Variants in DENND4B observed in about 807,000 individuals in gnomAD.
DENND4B encodes DENN domain containing 4B.
DENND4B carries 67 observed loss-of-function variants against 161.0 expected under a neutral mutation model. That is an observed-to-expected ratio of 0.42 (90% CI 0.34 to 0.51). The LOEUF (loss-of-function observed/expected upper bound fraction) is 0.51, where lower values mean the gene tolerates loss of function less well. DENND4B is among the 20% of genes least tolerant of loss of function. DENND4B has a pLI of 0.08. For synonymous variants in DENND4B, 753 were observed against 813.8 expected, an observed-to-expected ratio of 0.93 and a Z score of 1.27; for missense variants, 1,481 against 1,968.0, an observed-to-expected ratio of 0.75 and a Z score of 4.68.
chr1:153,940,469 A>G lies in DENND4B; in HGVS notation c.1464T>C (p.Asp488=). The change falls in exon 10 of 28, where the codon GAT becomes GAC. Residue 488 remains aspartate, a synonymous_variant. Transcript: ENST00000361217. This position sits in a 1 kb window ranked among gnomAD's most constrained non-coding sequence, Gnocchi z 5.6. The part of the protein sequence containing the change: ...SYFDLHDPPA[D]VICVDLDTNT... ...TGGTATCAAGGTCTACACAGATGAC[A>G]TCAGCAGGCGGGTCATGCAGATCAA... The G allele has an allele frequency of 1.2e-6, 2 of 1,613,134 alleles. No individual in the cohort carries two copies. Among genetic ancestry groups the G allele is most frequent in the Non-Finnish European group, 1.7e-6 (2 of 1,179,520 alleles).
Position 153,932,668 on chromosome 1 carries a change from G to T in DENND4B, c.3733C>A (p.Pro1245Thr). The change falls in exon 23 of 28, where the codon CCC becomes ACC. Residue 1245 changes from proline to threonine, a missense_variant. By Grantham distance (38) the Pro-to-Thr change is conservative (BLOSUM62 -1). Transcript: ENST00000361217. The surrounding 1 kb of genome is among the most constrained non-coding windows in gnomAD (Gnocchi z 5.8). The stretch of plus-strand genomic sequence containing the variant: ...CCCATGTGCCCGTTGCAGAGCTGGG[G>T]CTCATCCAGAGCAAGGCAGAGCCTT... ...DRRLCLALDEPQLCNGHMGGA... is the reference protein window; with the variant it reads ...DRRLCLALDETQLCNGHMGGA... The T allele has an allele frequency of 6.2e-7, 1 of 1,613,908 alleles. No individual in the cohort carries two copies. Among genetic ancestry groups the T allele is most frequent in the Non-Finnish European group, 8.5e-7 (1 of 1,179,798 alleles).
chr1:153,936,875 C>T lies in DENND4B; in HGVS notation c.2233-127G>A, dbSNP rs571731870. Reference sequence around the variant, plus strand: ...CTGGAGTGCAGTGGCGCAATCTTGGCTCACTGCAGACTCGGCCTCCTGGGC... The same window carrying T: ...CTGGAGTGCAGTGGCGCAATCTTGGTTCACTGCAGACTCGGCCTCCTGGGC... On this transcript the variant is annotated intron_variant, in intron 15 of 27. Transcript: ENST00000361217. The surrounding 1 kb of genome is among the most constrained non-coding windows in gnomAD (Gnocchi z 4.1). 1 of 940,746 alleles carries T rather than the reference C, an allele frequency of 1.1e-6. No homozygotes were observed. Among genetic ancestry groups the T allele is most frequent in the Non-Finnish European group, 1.5e-6 (1 of 659,258 alleles). 58.3% of individuals were successfully genotyped at this position (940,746 alleles called of 1,614,324 possible).
Position 153,936,845 on chromosome 1 carries a change from C to G in DENND4B, c.2233-97G>C, listed in dbSNP as rs1226943885. On this transcript the variant is annotated intron_variant, in intron 15 of 27. Transcript: ENST00000361217. The surrounding 1 kb of genome is among the most constrained non-coding windows in gnomAD (Gnocchi z 4.1). ...ATTTATGACGGTCTCGCTCTGTCAC[C>G]CAGGCTGGAGTGCAGTGGCGCAATC... is the stretch of plus-strand genomic sequence containing the variant. 13 of 1,284,908 alleles carry G rather than the reference C, an allele frequency of 1.0e-5. No individual in the cohort carries two copies. Among genetic ancestry groups the G allele is most frequent in the Non-Finnish European group, 1.3e-5 (13 of 964,456 alleles). 79.6% of individuals were successfully genotyped at this position (1,284,908 alleles called of 1,614,324 possible). A position where few individuals can be genotyped will look rare whatever the true frequency, so the allele number is the denominator to read the frequency against.
Position 153,937,640 on chromosome 1 carries a change from C to G in DENND4B, c.2106-26G>C, listed in dbSNP as rs753728577. 1 of 1,611,392 alleles carries G rather than the reference C, an allele frequency of 6.2e-7. No individual in the cohort carries two copies. The highest frequency in any genetic ancestry group is 8.5e-7 in the Non-Finnish European group (1 of 1,178,118). ...CTGGAGGGGCAGAGAGAAGCAACAT[C>G]GGGGCAGTCAGCACAGGGCGAAGCG... On this transcript the variant is annotated intron_variant, in intron 14 of 27. Coordinates refer to ENST00000361217, the MANE Select transcript of DENND4B (RefSeq NM_014856.3). This position sits in a 1 kb window ranked among gnomAD's most constrained non-coding sequence, Gnocchi z 4.7.
In DENND4B at chr1:153,930,726, G is replaced by A; in HGVS notation, c.4246C>T (p.Leu1416=). 3 of 1,611,782 alleles carry A rather than the reference G, an allele frequency of 1.9e-6. No individual in the cohort carries two copies. The highest frequency in any genetic ancestry group is 2.5e-6 in the Non-Finnish European group (3 of 1,178,808). ...TGCAGGCCAGTGGGTGGGGGCCCTA[G>A]AGTTTCCAGCAGGAGCCCCACAGCC... is the stretch of plus-strand genomic sequence containing the variant. ...HKAVGLLLET[L]GPPPTGLHLQ... The change falls in exon 26 of 28, where the codon CTA becomes TTA. Residue 1416 remains leucine, a synonymous_variant. Transcript: ENST00000361217. This position sits in a 1 kb window ranked among gnomAD's most constrained non-coding sequence, Gnocchi z 4.7.
intron 1 of DENND4B, among the ~76,000 whole-genome samples, chr1:153,945,572 A>G (rs1571062957): frequency 5.9e-5 from 9 of 151,894 alleles, no homozygotes; most frequent in East Asian, 1.9e-4. Context: ...ACACACACAC[A>G]CACGCACACA....
In DENND4B at chr1:153,937,829, G is replaced by A. The variant is rs1571047041; in HGVS notation, c.2000C>T (p.Pro667Leu). 1 of 1,613,996 alleles carries A rather than the reference G, an allele frequency of 6.2e-7. No homozygotes were observed. The highest frequency in any genetic ancestry group is 8.5e-7 in the Non-Finnish European group (1 of 1,179,894). The change falls in exon 14 of 28, where the codon CCC (proline) becomes CTC (leucine). Residue 667 changes from proline to leucine, a missense_variant. This residue lies in a region of DENND4B where 806 missense variants were observed against 1,134.4 expected (regional missense o/e 0.71). Coordinates refer to ENST00000361217, the MANE Select transcript of DENND4B (RefSeq NM_014856.3). This position sits in a 1 kb window ranked among gnomAD's most constrained non-coding sequence, Gnocchi z 4.7. ...TGACAGCTCCTCTAGCTCCACTAAG[G>A]GTGTCGGCTCAGGCTTCTCCTGCTC... Reference protein sequence around the residue: ...HPEQEKPEPTPLVELEELSGS... With the variant: ...HPEQEKPEPTLLVELEELSGS...
Position 153,939,818 on chromosome 1 carries a change from C to G in DENND4B, c.1604-14G>C, listed in dbSNP as rs751800636. Reference sequence around the variant, plus strand: ...GTCCAGTGTATGCTGGAGGCCAGGGCAGCCTAAGAGTCAGGGCTGGCTCCC... The same window carrying G: ...GTCCAGTGTATGCTGGAGGCCAGGGGAGCCTAAGAGTCAGGGCTGGCTCCC... On this transcript the variant is annotated splice_polypyrimidine_tract_variant and intron_variant, in intron 11 of 27. Transcript: ENST00000361217. The G allele has an allele frequency of 6.2e-7, 1 of 1,612,464 alleles. No individual in the cohort carries two copies. Among genetic ancestry groups the G allele is most frequent in the South Asian group, 1.1e-5 (1 of 91,012 alleles).
At chr1:153,935,658 T>A (rs1211071464) in intron 17 of DENND4B, among the ~76,000 whole-genome samples, 2 of 152,362 alleles carry the variant, frequency 1.3e-5, no homozygotes, top group East Asian at 3.9e-4. Flanking sequence ...TGTGCCCATA[T>A]TCTCACTCCT....
Position 153,933,535 on chromosome 1 carries a change from G to A in DENND4B, c.3278C>T (p.Pro1093Leu). 1 of 1,549,132 alleles carries A rather than the reference G, an allele frequency of 6.5e-7. No homozygotes were observed. Among genetic ancestry groups the A allele is most frequent in the Non-Finnish European group, 8.7e-7 (1 of 1,150,044 alleles). ...PDLPPPARRS[P>L]MDSLLHPRER... ...CCGGGGGTGCAGAAGACTGTCCATG[G>A]GGCTGCGGCGGGCTGGGGGTGGCAG... is the stretch of plus-strand genomic sequence containing the variant. Residue 1093 changes from proline (P) to leucine (L), a missense_variant, in exon 20 of 28, where the codon CCC (proline) becomes CTC (leucine). This residue lies in a region of DENND4B where 339 missense variants were observed against 330.3 expected (regional missense o/e 1.03). Coordinates refer to ENST00000361217, the MANE Select transcript of DENND4B (RefSeq NM_014856.3). The surrounding 1 kb of genome is among the most constrained non-coding windows in gnomAD (Gnocchi z 5.7).
rs1467235387 is a variant in DENND4B, at chr1:153,941,296, G to C, written c.1123-7C>G. 6.2e-7 allele frequency: 1 copy of C among 1,613,746 alleles called. No homozygotes were observed. The highest frequency in any genetic ancestry group is 2.2e-5 in the East Asian group (1 of 44,886). On this transcript the variant is annotated splice_polypyrimidine_tract_variant and splice_region_variant and intron_variant, in intron 7 of 27. Coordinates refer to ENST00000361217, the MANE Select transcript of DENND4B (RefSeq NM_014856.3). ...AGTTGTCATAGGGAGACATCTGGAA[G>C]GGAAGAAGAGCCACGGCTCAGGGTA...
Position 153,940,680 on chromosome 1 carries a change from G to A in DENND4B, c.1327-74C>T. On this transcript the variant is annotated intron_variant, in intron 9 of 27. Coordinates refer to ENST00000361217, the MANE Select transcript of DENND4B (RefSeq NM_014856.3). This position sits in a 1 kb window ranked among gnomAD's most constrained non-coding sequence, Gnocchi z 5.6. ...GTGGGAGGCACAGGAGAGAGAAAGAGAGGGCATTGGCCTTGGGGAGTTGGT... is the reference window on the plus strand; with the variant it reads ...GTGGGAGGCACAGGAGAGAGAAAGAAAGGGCATTGGCCTTGGGGAGTTGGT... 2 of 1,552,364 alleles carry A rather than the reference G, an allele frequency of 1.3e-6. No individual in the cohort carries two copies. The highest frequency in any genetic ancestry group is 1.2e-5 in the South Asian group (1 of 84,282).
At chr1:153,938,235 CCT>C (rs1040936416) in intron 13 of DENND4B, among the ~76,000 whole-genome samples, 2 of 151,928 alleles carry the variant, frequency 1.3e-5, no homozygotes, top group African/African-American at 4.8e-5. Context: ...ATGGTGAAAC[CCT>C]GTCTCTAGTA....
chr1:153,941,527 C>T, intron 6 of DENND4B, 87 bp from the exon 7 acceptor site: 3 of 1,454,558 alleles, frequency 2.1e-6, no homozygotes, highest in South Asian at 2.7e-5. Flanking sequence ...CACTTGTTCT[C>T]AAGAACCTTA....
intron 2 of DENND4B, 148 bp from the exon 3 acceptor site, chr1:153,943,278 T>G: frequency 8.4e-7 from 1 of 1,185,060 alleles, no homozygotes; most frequent in Non-Finnish European, 1.2e-6. Context: ...CTCTTCTTGC[T>G]GAACTCTGCC....
At position 153,929,751 on chromosome 1, in the gene DENND4B, C is replaced by G. The variant is rs944856796; in HGVS notation, c.*546G>C. 1 of 152,300 alleles carries G rather than the reference C, an allele frequency of 6.6e-6. No homozygotes were observed. Among genetic ancestry groups the G allele is most frequent in the Non-Finnish European group, 1.5e-5 (1 of 68,174 alleles). The allele number at this position is 152,300 out of a possible 1,614,324, so 9.4% of individuals were successfully genotyped here. ...TGCCCTATTTCCCTTCCCTTTCTCACTCTCCATAAGAACCTCATAAGCAAG... is the reference window on the plus strand; with the variant it reads ...TGCCCTATTTCCCTTCCCTTTCTCAGTCTCCATAAGAACCTCATAAGCAAG... On this transcript the variant is annotated 3_prime_UTR_variant, in exon 28 of 28. Coordinates refer to ENST00000361217, the MANE Select transcript of DENND4B (RefSeq NM_014856.3).
chr1:153,935,804 C>T (rs1679298337), intron 17 of DENND4B: 3 of 416,888 alleles, frequency 7.2e-6, no homozygotes, highest in South Asian at 2.5e-5. Context: ...ATGTGTGATG[C>T]GTATGGACCC....
At chr1:153,943,163 G>A in intron 2 of DENND4B, 33 bp from the exon 3 acceptor site, 1 of 1,589,400 alleles carries the variant, frequency 6.3e-7, no homozygotes, top group Non-Finnish European at 8.6e-7. Flanking sequence ...GATGTTGAGA[G>A]GTCAGGGTAG....
chr1:153,941,775 G>GGGGGGGGGGGGGCC, intron 6 of DENND4B, 94 bp downstream of exon 6: 1 of 1,338,174 alleles, frequency 7.5e-7, no homozygotes, highest in Non-Finnish European at 1.0e-6. Context: ...CCTGTGCCCA[G>GGGGGGGGGGGGGCC]CCCTCCCCCC....
Sources: gnomAD v4.1 joint callset for allele counts (sites outside exome capture counted in the v4.1 genomes callset) on GRCh38, gnomAD v4.1.1 for gene constraint, gnomAD v4.1.1 regional missense constraint, Gnocchi (gnomAD v3.1) non-coding constraint, MANE v1.5 for transcripts, NCBI Gene and HGNC (gene_info 2026-07-23, HGNC 2026-07-21) for gene names.